DSE: variants seen among roughly 807,000 people sequenced by gnomAD.
DSE encodes dermatan sulfate epimerase.
In DSE, 36 loss-of-function variants were observed where a neutral mutation model predicts 84.4. That is an observed-to-expected ratio of 0.43 (90% confidence interval 0.33 to 0.56). The LOEUF (loss-of-function observed/expected upper bound fraction) is 0.56. Among genes scored for constraint, DSE ranks in the 20% least tolerant of loss-of-function variants. DSE has a pLI of 0.06. For missense variants in DSE, 862 were observed against 1,169.6 expected (o/e 0.74, Z 3.84); for synonymous variants, 410 against 430.1 (o/e 0.95, Z 0.58).
intron 2 of DSE, among the ~76,000 whole-genome samples, chr6:116,289,300 A>G (rs1194538663): frequency 1.3e-5 from 2 of 152,052 alleles, no homozygotes; most frequent in Non-Finnish European, 2.9e-5. Context: ...ATACTTGCAT[A>G]GATTTTTTAA....
At chr6:116,351,197 T>C (rs7770769) in intron 2 of DSE, among the ~76,000 whole-genome samples, 31,436 of 152,136 alleles carry the variant, frequency 0.21, 3,467 homozygotes, top group East Asian at 0.29. Context: ...GGGAATGTTT[T>C]CCTTCACTGA....
At chr6:116,391,627 G>A (rs1309216860) in intron 1 of DSE, among the ~76,000 whole-genome samples, 2 of 151,940 alleles carry the variant, frequency 1.3e-5, no homozygotes, top group Non-Finnish European at 2.9e-5. Context: ...TTAGCTGGGC[G>A]TGGTGGCGGG....
chr6:116,420,162 G>A (rs1286389685), intron 2 of DSE, among the ~76,000 whole-genome samples: 1 of 152,076 alleles, frequency 6.6e-6, no homozygotes, highest in Non-Finnish European at 1.5e-5. Context: ...GTGATCTCTT[G>A]GCACATCTTT....
At chr6:116,303,612 A>G (rs77853018) in intron 2 of DSE, among the ~76,000 whole-genome samples, 11,182 of 152,136 alleles carry the variant, frequency 0.073, 442 homozygotes, top group East Asian at 0.18. Flanking sequence ...CCTTCCCCCA[A>G]CAACTCAGGG....
intron 2 of DSE, among the ~76,000 whole-genome samples, chr6:116,265,275 T>C (rs907414668): frequency 2.6e-5 from 4 of 152,090 alleles, no homozygotes; most frequent in Non-Finnish European, 5.9e-5. Context: ...GGGTGCCTTT[T>C]CTGTGCCCTG....
At chr6:116,298,294 G>A (rs907877885) in intron 2 of DSE, among the ~76,000 whole-genome samples, 1 of 152,178 alleles carries the variant, frequency 6.6e-6, no homozygotes, top group Non-Finnish European at 1.5e-5. Context: ...GGGAATTAAG[G>A]TTGCAGGTGG....
intron 2 of DSE, among the ~76,000 whole-genome samples, chr6:116,274,783 C>T (rs767764842): frequency 6.6e-6 from 1 of 152,186 alleles, no homozygotes; most frequent in African/African-American, 2.4e-5. Flanking sequence ...AAATTTTACT[C>T]ACCTTCTTTT....
chr6:116,418,678 C>T (rs1782880588), intron 2 of DSE, among the ~76,000 whole-genome samples: 1 of 152,166 alleles, frequency 6.6e-6, no homozygotes, highest in African/African-American at 2.4e-5. Context: ...TTTGGTAGAG[C>T]CACTGACTCT....
intron 2 of DSE, among the ~76,000 whole-genome samples, chr6:116,327,152 A>T (rs1027724167): frequency 6.6e-6 from 1 of 152,228 alleles, no homozygotes; most frequent in African/African-American, 2.4e-5. Context: ...AAAGTCGAGG[A>T]TTGGAATCTC....
intron 2 of DSE, among the ~76,000 whole-genome samples, chr6:116,420,904 ACTT>A (rs1253425480): frequency 6.6e-6 from 1 of 152,206 alleles, no homozygotes; most frequent in Non-Finnish European, 1.5e-5. Context: ...AGTGATACAG[ACTT>A]CTTCGATTGC....
At chr6:116,363,258 T>C (rs993888976) in intron 2 of DSE, among the ~76,000 whole-genome samples, 13 of 151,844 alleles carry the variant, frequency 8.6e-5, no homozygotes, top group African/African-American at 2.9e-4. Flanking sequence ...CACACACATA[T>C]ATGCATATAT....
chr6:116,350,374 A>T (rs1397734932), intron 2 of DSE, among the ~76,000 whole-genome samples: 1 of 152,174 alleles, frequency 6.6e-6, no homozygotes, highest in African/African-American at 2.4e-5. Context: ...TTCTTTTTTT[A>T]AAAGCATGAT....
At chr6:116,399,068 T>A (rs1781424567) in intron 1 of DSE, 130 bp from the exon 2 acceptor site, 1 of 738,512 alleles carries the variant, frequency 1.4e-6, no homozygotes, top group Admixed American at 3.1e-5. Context: ...TAAATTTTTT[T>A]GTTGTATTTT....
intron 2 of DSE, among the ~76,000 whole-genome samples, chr6:116,357,047 C>T (rs1409176525): frequency 6.6e-6 from 1 of 152,062 alleles, no homozygotes; most frequent in Non-Finnish European, 1.5e-5. Context: ...AAATATGGTT[C>T]CAAAAAACAA....
intron 2 of DSE, among the ~76,000 whole-genome samples, chr6:116,411,408 C>A (rs1489281451): frequency 6.6e-6 from 1 of 152,186 alleles, no homozygotes; most frequent in East Asian, 1.9e-4. Context: ...CTTTCTGGAG[C>A]TGAAGCCAAA....
Position 116,399,273 on chromosome 6 carries a change from C to T in DSE, c.23C>T (p.Ala8Val). MRTHTRG[A>V]PSVFFIYLLC... The stretch of plus-strand genomic sequence containing the variant: ...ACGATGAGGACTCACACACGGGGGG[C>T]TCCCAGTGTGTTTTTCATATATTTG... Residue 8 changes from alanine (A) to valine (V), a missense_variant, in exon 2 of 6, where the codon GCT becomes GTT. By Grantham distance (64) the Ala-to-Val change is moderately conservative. Around this residue, in one of 4 missense-constraint regions of DSE, gnomAD observed 52 missense variants for 49.6 expected, o/e 1.05. Transcript: ENST00000644252. The T allele has an allele frequency of 6.2e-7, 1 of 1,613,940 alleles. No individual in the cohort carries two copies. Among genetic ancestry groups the T allele is most frequent in the Non-Finnish European group, 8.5e-7 (1 of 1,180,018 alleles).
At chr6:116,423,949 T>C (rs956034871) in intron 2 of DSE, among the ~76,000 whole-genome samples, 1 of 152,212 alleles carries the variant, frequency 6.6e-6, no homozygotes, top group African/African-American at 2.4e-5. Context: ...GGTTGGGGCT[T>C]GGACATTTTC....
intron 2 of DSE, among the ~76,000 whole-genome samples, chr6:116,301,042 C>T (rs529372995): frequency 6.6e-6 from 1 of 152,000 alleles, no homozygotes; most frequent in South Asian, 2.1e-4. Context: ...TATTCATATA[C>T]AAAACATGGA....
chr6:116,364,586 G>A (rs907800936), intron 2 of DSE, among the ~76,000 whole-genome samples: 3 of 152,232 alleles, frequency 2.0e-5, no homozygotes, highest in African/African-American at 7.2e-5. Context: ...GAAACTTGAA[G>A]TGAAACATTA....
Sources: gnomAD v4.1 joint callset for allele counts (sites outside exome capture counted in the v4.1 genomes callset) on GRCh38, gnomAD v4.1.1 for gene constraint, gnomAD v4.1.1 regional missense constraint, MANE v1.5 for transcripts, NCBI Gene and HGNC (gene_info 2026-07-23, HGNC 2026-07-21) for gene names.